The following RHCE variants were observed in gnomAD, a reference collection of about 807,000 sequenced individuals.
The protein encoded by RHCE is blood group Rh(CE) polypeptide.
A neutral mutation model predicts 43.8 loss-of-function variants in RHCE; 22 were observed. The observed-to-expected ratio is 0.50, with a 90% CI of 0.36 to 0.72. The LOEUF (loss-of-function observed/expected upper bound fraction) is 0.72. Among genes scored for constraint, RHCE ranks in the 30% least tolerant of loss-of-function variants. The pLI, the probability that RHCE is intolerant of heterozygous loss-of-function variation, is 0.00. For synonymous variants in RHCE, 156 were observed against 210.7 expected (o/e 0.74, Z 2.25); for missense variants, 385 against 525.4 (o/e 0.73, Z 2.61).
At chr1:25,373,011 G>A (rs1284304473) in intron 8 of RHCE, among the ~76,000 whole-genome samples, 1 of 150,620 alleles carries the variant, frequency 6.6e-6, no homozygotes, top group Non-Finnish European at 1.5e-5. Flanking sequence ...CTATAGGATT[G>A]CCCTGGCTTG....
At chr1:25,422,937 T>C (rs541213982), upstream of RHCE, among the ~76,000 whole-genome samples, 1 of 152,164 alleles carries the variant, frequency 6.6e-6, no homozygotes, top group African/African-American at 2.4e-5. Context: ...GCTGCTGATC[T>C]GACAGGAGGC....
intron 1 of RHCE, among the ~76,000 whole-genome samples, chr1:25,411,957 G>A (rs571194410): frequency 6.6e-6 from 1 of 152,304 alleles, no homozygotes; most frequent in African/African-American, 2.4e-5. Context: ...CATGAGTAGA[G>A]CAATTCTTCC....
intron 4 of RHCE, among the ~76,000 whole-genome samples, chr1:25,391,740 A>C (rs1016414582): frequency 6.6e-6 from 1 of 152,162 alleles, no homozygotes; most frequent in Non-Finnish European, 1.5e-5. Flanking sequence ...AAGGGATTGG[A>C]TAAACTTATT....
upstream of RHCE, among the ~76,000 whole-genome samples, chr1:25,423,693 C>A (rs2042784416): frequency 6.6e-6 from 1 of 152,212 alleles, no homozygotes; most frequent in Admixed American, 6.5e-5. Context: ...GATATTCTGT[C>A]TTTAAATCTT....
intron 3 of RHCE, among the ~76,000 whole-genome samples, chr1:25,393,757 C>G (rs1293265): frequency 0.44 from 66,152 of 151,486 alleles, 15,731 homozygotes; most frequent in Non-Finnish European, 0.54. Context: ...CCTGACCTCT[C>G]GGGCGTCACC....
intron 2 of RHCE, among the ~76,000 whole-genome samples, chr1:25,404,169 CAAAA>C (rs3079571): frequency 3.3e-5 from 3 of 90,980 alleles, no homozygotes; most frequent in Non-Finnish European, 4.2e-5. Context: ...CTCTGTCTCA[CAAAA>C]AAAAAAAAAA....
intron 8 of RHCE, among the ~76,000 whole-genome samples, chr1:25,371,029 TATAGGC>T (rs1032211930): frequency 6.7e-6 from 1 of 149,890 alleles, no homozygotes; most frequent in African/African-American, 2.5e-5. Context: ...TTGCTAGTAT[TATAGGC>T]ATAAGCCACC....
intron 7 of RHCE, among the ~76,000 whole-genome samples, chr1:25,382,462 T>C (rs1314868723): frequency 2.0e-5 from 3 of 147,186 alleles, no homozygotes; most frequent in Non-Finnish European, 4.4e-5. Flanking sequence ...TTTTTTTTTT[T>C]AAGTAATAAG....
At chr1:25,379,475 A>ATG (rs1645901847) in intron 7 of RHCE, among the ~76,000 whole-genome samples, 4 of 12,690 alleles carry the variant, frequency 3.2e-4, no homozygotes, top group African/African-American at 7.0e-4. Context: ...ATATATATAT[A>ATG]TATATATATA....
intron 7 of RHCE, among the ~76,000 whole-genome samples, chr1:25,380,228 A>G (rs1489416958): frequency 4.3e-5 from 6 of 140,642 alleles, no homozygotes; most frequent in Non-Finnish European, 9.2e-5. Flanking sequence ...CCAGGAAAGT[A>G]CAAAACCCAA....
In RHCE at chr1:25,390,828, G is replaced by C. The variant is rs751751505; in HGVS notation, c.722C>G (p.Thr241Ser). Residue 241 changes from threonine (T) to serine (S), a missense_variant, in exon 5 of 10, where the codon ACC (threonine) becomes AGC (serine). By Grantham distance (58) the Thr-to-Ser change is moderately conservative. Transcript: ENST00000294413. ...CACACTGACTGCTAGAGCATAGTAGGTGTTGAACATGGCATTCTTCCTTTG... is the reference window on the plus strand; with the variant it reads ...CACACTGACTGCTAGAGCATAGTAGCTGTTGAACATGGCATTCTTCCTTTG... Reference protein sequence around the residue: ...PIQRKNAMFNTYYALAVSVVT... With the variant: ...PIQRKNAMFNSYYALAVSVVT... 1.2e-6 allele frequency: 2 copies of C among 1,614,234 alleles called. No individual in the cohort carries two copies. Among genetic ancestry groups the C allele is most frequent in the Non-Finnish European group, 1.7e-6 (2 of 1,180,040 alleles).
intron 6 of RHCE, among the ~76,000 whole-genome samples, chr1:25,386,217 C>T (rs1214923751): frequency 6.6e-6 from 1 of 152,184 alleles, no homozygotes; most frequent in Non-Finnish European, 1.5e-5. Context: ...AAGCATCATT[C>T]CTGGTCTCTC....
rs1646966719 is a variant in RHCE, at chr1:25,408,008, C to A, written c.335+675G>T. 2.4e-5 allele frequency among the ~76,000 whole-genome samples: 3 copies of A among 123,962 alleles called. 1 individual carries two copies. Among genetic ancestry groups the A allele is most frequent in the Non-Finnish European group, 5.5e-5 (3 of 54,252 alleles). 81.3% of individuals were successfully genotyped at this position (123,962 alleles called of 152,430 possible). A position where few individuals can be genotyped will look rare whatever the true frequency, so the allele number is the denominator to read the frequency against. ...TCTTTTCAAGAGAATGTCTCTCAGG[C>A]TGGACGCGGTGGCTCATGCCTGTAA... On this transcript the variant is annotated intron_variant, in intron 2 of 9. Coordinates refer to ENST00000294413, the MANE Select transcript of RHCE (RefSeq NM_020485.8).
At chr1:25,388,090 GC>G (rs1646241028) in intron 6 of RHCE, among the ~76,000 whole-genome samples, 1 of 151,038 alleles carries the variant, frequency 6.6e-6, no homozygotes, top group African/African-American at 2.4e-5. Context: ...AAGCGCGTGA[GC>G]CACTGCGCCC....
chr1:25,400,520 C>T (rs1188460746), intron 3 of RHCE, among the ~76,000 whole-genome samples: 1 of 151,212 alleles, frequency 6.6e-6, no homozygotes, highest in Non-Finnish European at 1.5e-5. Context: ...AGGACTCAGT[C>T]CTCAGACTTC....
chr1:25,405,765 A>G (rs1285053568), intron 2 of RHCE, among the ~76,000 whole-genome samples: 1 of 123,500 alleles, frequency 8.1e-6, no homozygotes. Context: ...AAAACAAACA[A>G]CAACGTTGAA....
At chr1:25,396,284 T>C (rs556103892) in intron 3 of RHCE, among the ~76,000 whole-genome samples, 1 of 152,390 alleles carries the variant, frequency 6.6e-6, no homozygotes, top group East Asian at 1.9e-4. Flanking sequence ...ATGCAAGATG[T>C]AATCCTCGAC....
intron 5 of RHCE, among the ~76,000 whole-genome samples, chr1:25,389,972 T>C (rs942637272): frequency 6.6e-6 from 1 of 152,090 alleles, no homozygotes; most frequent in Non-Finnish European, 1.5e-5. Flanking sequence ...GGCCACTCAC[T>C]TCCTCTTAGC....
chr1:25,412,245 C>T (rs658077), intron 1 of RHCE, among the ~76,000 whole-genome samples: 21 of 152,300 alleles, frequency 1.4e-4, no homozygotes, highest in East Asian at 1.2e-3. Flanking sequence ...CCTCACTAAG[C>T]GATCTTAGGC....
Sources: gnomAD v4.1 joint callset for allele counts (sites outside exome capture counted in the v4.1 genomes callset) on GRCh38, gnomAD v4.1.1 for gene constraint, MANE v1.5 for transcripts, NCBI Gene and HGNC (gene_info 2026-07-23, HGNC 2026-07-21) for gene names.